ANAPC1: variants seen among roughly 807,000 people sequenced by gnomAD.
ANAPC1 encodes the protein anaphase promoting complex subunit 1.
Under a neutral mutation model 208.0 loss-of-function variants are expected in ANAPC1, and 36 were observed. That is an observed-to-expected ratio of 0.17 (90% CI 0.13 to 0.23). ANAPC1 has a LOEUF of 0.23. Among genes scored for constraint, ANAPC1 ranks in the 10% least tolerant of loss-of-function variants. ANAPC1 has a pLI of 1.00. For synonymous variants in ANAPC1, 378 were observed against 695.2 expected (o/e 0.54, Z 7.18); for missense variants, 942 against 2,011.6 (o/e 0.47, Z 10.17).
rs552292444 is a variant in ANAPC1, at chr2:111,837,426, C to A, written c.2115+1012G>T. Among the ~76,000 whole-genome samples, 31 of 152,218 alleles carry A rather than the reference C, an allele frequency of 2.0e-4. 2 individuals are homozygous for A. In the East Asian group the frequency reaches 5.8e-3, roughly 29 times the overall value. On this transcript the variant is annotated intron_variant, in intron 18 of 47. Coordinates refer to ENST00000341068, the MANE Select transcript of ANAPC1 (RefSeq NM_022662.4). The stretch of plus-strand genomic sequence containing the variant: ...CACGAGGTCACGAGTTCAAGACCAG[C>A]CTGACCAACATGGTGAAACCCCATC...
Position 111,832,937 on chromosome 2 carries a change from C to CAAAAAAAAAAAAAAAAAAAAAA in ANAPC1, c.2476+282_2476+283insTTTTTTTTTTTTTTTTTTTTTT, listed in dbSNP as rs908553180. ...TGGGTGACAGAGCGAGACTCAGTCT[C>CAAAAAAAAAAAAAAAAAAAAAA]AAAAAAAAAAAAAAAAAAAGCATCC... On this transcript the variant is annotated intron_variant, in intron 20 of 47. Coordinates refer to ENST00000341068, the MANE Select transcript of ANAPC1 (RefSeq NM_022662.4). Among the ~76,000 whole-genome samples, 81 of 53,612 alleles carry CAAAAAAAAAAAAAAAAAAAAAA rather than the reference C, an allele frequency of 1.5e-3. 9 individuals are homozygous for CAAAAAAAAAAAAAAAAAAAAAA. The highest frequency in any genetic ancestry group is 4.5e-3 in the Admixed American group (16 of 3,588). The allele number at this position is 53,612 out of a possible 152,430, so 35.2% of individuals were successfully genotyped here. A position where few individuals can be genotyped will look rare whatever the true frequency, so the allele number is the denominator to read the frequency against.
chr2:111,774,103 T>C lies in ANAPC1; in HGVS notation c.5585-1628A>G, dbSNP rs150090652. 2.6e-3 allele frequency among the ~76,000 whole-genome samples: 398 copies of C among 152,224 alleles called. 2 individuals are homozygous for C. The East Asian group carries it at 0.039, about 15-fold the overall frequency. The stretch of plus-strand genomic sequence containing the variant: ...AAAATGTGGACAAATTCAAGAAATA[T>C]CTATGATGAGGATTGAAAGGCATCA... On this transcript the variant is annotated intron_variant, in intron 46 of 47. Coordinates refer to ENST00000341068, the MANE Select transcript of ANAPC1 (RefSeq NM_022662.4).
At chr2:111,867,619 G>C (rs149737159) in intron 7 of ANAPC1, among the ~76,000 whole-genome samples, 1 of 151,500 alleles carries the variant, frequency 6.6e-6, no homozygotes, top group Non-Finnish European at 1.5e-5. Flanking sequence ...TTGAACTCGG[G>C]AGGCAGAGGT....
intron 14 of ANAPC1, among the ~76,000 whole-genome samples, chr2:111,848,704 G>A (rs1681226386): frequency 6.6e-6 from 1 of 151,482 alleles, no homozygotes; most frequent in Non-Finnish European, 1.5e-5. Flanking sequence ...TTGAACCCAG[G>A]AGGTGGAGGT....
intron 13 of ANAPC1, among the ~76,000 whole-genome samples, chr2:111,853,483 CA>C (rs113426870): frequency 0.024 from 3,703 of 152,120 alleles, 87 homozygotes; most frequent in Middle Eastern, 0.061. Flanking sequence ...CAGGTTTAAT[CA>C]TAAGATCTTG....
At chr2:111,811,218 G>T (rs1678978482) in intron 28 of ANAPC1, among the ~76,000 whole-genome samples, 1 of 150,860 alleles carries the variant, frequency 6.6e-6, no homozygotes, top group South Asian at 2.1e-4. Context: ...GCTCTTCTGA[G>T]AAATGTTACT....
At chr2:111,849,514 C>A (rs1022831081) in intron 14 of ANAPC1, among the ~76,000 whole-genome samples, 1 of 152,144 alleles carries the variant, frequency 6.6e-6, no homozygotes, top group Non-Finnish European at 1.5e-5. Context: ...TTGAACCGTC[C>A]CTAAACATCC....
intron 3 of ANAPC1, among the ~76,000 whole-genome samples, chr2:111,878,477 CA>C (rs1234895939): frequency 2.6e-5 from 4 of 152,064 alleles, no homozygotes; most frequent in African/African-American, 9.7e-5. Flanking sequence ...TCTTTGCAAT[CA>C]ATTATAGTAA....
rs1029958151 is a variant in ANAPC1 at position 111,884,100 on chromosome 2, C to G, written c.-183G>C. The stretch of plus-strand genomic sequence containing the variant: ...TCCCTCCCCTATTCTGGAGGAAGAA[C>G]GGGCAACAGCAGCGGGCTCGAGTGC... On this transcript the variant is annotated 5_prime_UTR_variant, in exon 1 of 48. Coordinates refer to ENST00000341068, the MANE Select transcript of ANAPC1 (RefSeq NM_022662.4). The G allele has an allele frequency of 6.6e-6, 1 of 152,286 alleles. No individual in the cohort carries two copies. Among genetic ancestry groups the G allele is most frequent in the African/African-American group, 2.4e-5 (1 of 41,462 alleles). 9.4% of individuals were successfully genotyped at this position (152,286 alleles called of 1,614,324 possible). A position where few individuals can be genotyped will look rare whatever the true frequency, so the allele number is the denominator to read the frequency against.
At chr2:111,882,205 A>AAAACC (rs1297981788) in intron 1 of ANAPC1, among the ~76,000 whole-genome samples, 1 of 151,344 alleles carries the variant, frequency 6.6e-6, no homozygotes, top group South Asian at 2.1e-4. Flanking sequence ...CAAAAGCAAA[A>AAAACC]AAAAAACCTC....
chr2:111,792,050 A>G (rs977265483), intron 38 of ANAPC1, among the ~76,000 whole-genome samples: 2 of 152,072 alleles, frequency 1.3e-5, no homozygotes, highest in Non-Finnish European at 2.9e-5. Flanking sequence ...CCTTTCTGAG[A>G]AAGTAGCTTA....
chr2:111,877,576 C>T (rs1160136217), intron 3 of ANAPC1, among the ~76,000 whole-genome samples: 3 of 152,046 alleles, frequency 2.0e-5, no homozygotes, highest in African/African-American at 7.2e-5. Flanking sequence ...GTCAGGAGAT[C>T]GAGACCATCC....
intron 39 of ANAPC1, among the ~76,000 whole-genome samples, chr2:111,785,728 G>A (rs1383105968): frequency 6.6e-6 from 1 of 151,976 alleles, no homozygotes; most frequent in Non-Finnish European, 1.5e-5. Flanking sequence ...TTTACAGGGA[G>A]GTAAAAAGTA....
intron 22 of ANAPC1, 79 bp from the exon 23 acceptor site, chr2:111,825,246 A>G: frequency 6.4e-7 from 1 of 1,555,392 alleles, no homozygotes; most frequent in South Asian, 1.2e-5. Flanking sequence ...AAACATTTGA[A>G]AATAAGAATC....
chr2:111,773,721 A>G (rs1483806613), intron 46 of ANAPC1, among the ~76,000 whole-genome samples: 2 of 152,002 alleles, frequency 1.3e-5, no homozygotes, highest in Admixed American at 6.6e-5. Flanking sequence ...TAGGGAGGGA[A>G]AACAGCATAT....
chr2:111,859,987 G>C (rs145442958), intron 10 of ANAPC1, among the ~76,000 whole-genome samples: 4,170 of 152,226 alleles, frequency 0.027, 208 homozygotes, highest in African/African-American at 0.095. Flanking sequence ...TATAAAACTT[G>C]TATTGTGGTT....
chr2:111,772,678 A>G (rs1392892038), intron 46 of ANAPC1, among the ~76,000 whole-genome samples: 4 of 151,716 alleles, frequency 2.6e-5, no homozygotes, highest in East Asian at 3.9e-4. Flanking sequence ...GGGGAGACAG[A>G]TATTACACAA....
At chr2:111,860,769 T>C (rs1275627610) in intron 10 of ANAPC1, among the ~76,000 whole-genome samples, 4 of 151,932 alleles carry the variant, frequency 2.6e-5, no homozygotes, top group African/African-American at 4.8e-5. Context: ...CTTCAGTTCC[T>C]AGCCCTCTTC....
chr2:111,855,153 G>C (rs1476668065), intron 13 of ANAPC1, among the ~76,000 whole-genome samples: 1 of 152,188 alleles, frequency 6.6e-6, no homozygotes, highest in Non-Finnish European at 1.5e-5. Flanking sequence ...AGGAGACAGA[G>C]AGACAGGAAA....
Sources: allele counts gnomAD v4.1 joint callset (sites outside exome capture counted in the v4.1 genomes callset), GRCh38; gene constraint gnomAD v4.1.1; transcripts MANE v1.5; gene names NCBI Gene and HGNC (gene_info 2026-07-23, HGNC 2026-07-21).